OPCML: variants seen among roughly 807,000 people sequenced by gnomAD.
OPCML encodes opioid-binding protein/cell adhesion molecule.
In OPCML, 13 loss-of-function variants were observed where a neutral mutation model predicts 37.8. The observed-to-expected ratio is 0.34, with a 90% CI of 0.22 to 0.55. The LOEUF (loss-of-function observed/expected upper bound fraction) is 0.55. Ranked by LOEUF, OPCML falls within the 20% of genes least tolerant of loss-of-function variation. The pLI is 0.91. For synonymous variants in OPCML, 176 were observed against 168.8 expected, an observed-to-expected ratio of 1.04 and a Z score of -0.33; for missense variants, 341 against 435.6, an observed-to-expected ratio of 0.78 and a Z score of 1.93.
At chr11:133,266,292 T>C (rs1941656843) in intron 1 of OPCML, among the ~76,000 whole-genome samples, 1 of 152,142 alleles carries the variant, frequency 6.6e-6, no homozygotes, top group African/African-American at 2.4e-5. Context: ...GATTACCCCA[T>C]TCTCCTGCTC....
intron 3 of OPCML, among the ~76,000 whole-genome samples, chr11:132,607,193 G>T (rs1455739041): frequency 6.6e-6 from 1 of 152,182 alleles, no homozygotes; most frequent in Non-Finnish European, 1.5e-5. Context: ...TGTTGTTGCT[G>T]TTACTGTGAA....
intron 2 of OPCML, among the ~76,000 whole-genome samples, chr11:132,682,774 C>T (rs60609567): frequency 0.029 from 4,448 of 152,292 alleles, 229 homozygotes; most frequent in African/African-American, 0.1. Context: ...ATCTTTCTCC[C>T]GTTACATAGA....
At chr11:133,002,543 T>A (rs1195255746) in intron 1 of OPCML, among the ~76,000 whole-genome samples, 2 of 152,210 alleles carry the variant, frequency 1.3e-5, no homozygotes, top group Non-Finnish European at 2.9e-5. Flanking sequence ...TGATGTTAGT[T>A]CTGTGTGCCC....
At position 132,763,852 on chromosome 11, in the gene OPCML, G is replaced by A. The variant is rs764336395; in HGVS notation, c.147-106533C>T. On this transcript the variant is annotated intron_variant, in intron 2 of 7. Coordinates refer to ENST00000524381, the MANE Select transcript of OPCML (RefSeq NM_001012393.5). ...GCTCCTGCTGAGCCATGCCTTCCCC[G>A]CTTTCATTCCGCATCTTACCACAAA... is the stretch of plus-strand genomic sequence containing the variant. 4.6e-5 allele frequency among the ~76,000 whole-genome samples: 7 copies of A among 152,118 alleles called. No individual in the cohort carries two copies. In the East Asian group the frequency reaches 5.8e-4, roughly 13 times the overall value.
intron 1 of OPCML, among the ~76,000 whole-genome samples, chr11:133,092,401 C>T (rs1194883417): frequency 6.6e-6 from 1 of 152,124 alleles, no homozygotes; most frequent in East Asian, 1.9e-4. Context: ...CTGAGAACCA[C>T]AAAGAATGAG....
intron 3 of OPCML, among the ~76,000 whole-genome samples, chr11:132,602,941 C>T (rs1488872368): frequency 1.3e-5 from 2 of 152,224 alleles, no homozygotes; most frequent in East Asian, 1.9e-4. Flanking sequence ...CCACCTTGTG[C>T]TTTGACTGCT....
intron 1 of OPCML, among the ~76,000 whole-genome samples, chr11:133,230,005 T>C (rs1940208333): frequency 6.6e-6 from 1 of 151,840 alleles, no homozygotes. Flanking sequence ...TATTAGATAT[T>C]TCATAAAAAT....
chr11:133,367,543 A>C (rs765052607), intron 1 of OPCML, among the ~76,000 whole-genome samples: 4 of 152,188 alleles, frequency 2.6e-5, no homozygotes, highest in Admixed American at 6.5e-5. Flanking sequence ...ATGTTTACTC[A>C]TTCAGTTTAC....
chr11:132,707,882 C>T (rs531382976), intron 2 of OPCML, among the ~76,000 whole-genome samples: 1 of 152,192 alleles, frequency 6.6e-6, no homozygotes, highest in African/African-American at 2.4e-5. Context: ...AAAATTATAA[C>T]CATTGAGCCT....
intron 2 of OPCML, among the ~76,000 whole-genome samples, chr11:132,824,099 AAATCTC>A (rs1940154393): frequency 6.6e-6 from 1 of 152,110 alleles, no homozygotes; most frequent in African/African-American, 2.4e-5. Context: ...TTTCCAGTTT[AAATCTC>A]AGCCCTGAAT....
chr11:133,125,785 A>AC (rs1949499089), intron 1 of OPCML, among the ~76,000 whole-genome samples: 1 of 145,698 alleles, frequency 6.9e-6, no homozygotes, highest in African/African-American at 2.5e-5. Flanking sequence ...TGTATATAGT[A>AC]TATATACATG....
At chr11:132,672,001 A>C (rs1313646607) in intron 2 of OPCML, among the ~76,000 whole-genome samples, 2 of 152,128 alleles carry the variant, frequency 1.3e-5, no homozygotes, top group Admixed American at 1.3e-4. Context: ...CTGACTACAG[A>C]TTCCTGTTAT....
At chr11:132,436,061 C>A (rs2096011980) in intron 7 of OPCML, 25 bp downstream of exon 7, 1 of 1,604,520 alleles carries the variant, frequency 6.2e-7, no homozygotes, top group South Asian at 1.1e-5. Context: ...GCTGAGCCCA[C>A]TGCATCCAGG....
intron 2 of OPCML, among the ~76,000 whole-genome samples, chr11:132,863,589 G>A (rs1332625275): frequency 1.3e-5 from 2 of 152,198 alleles, no homozygotes; most frequent in African/African-American, 2.4e-5. Flanking sequence ...GCAGGTCACT[G>A]AAGTCAGAAC....
In OPCML at chr11:133,173,954, G is replaced by C. The variant is rs1950327230; in HGVS notation, c.62-230944C>G. Reference sequence around the variant, plus strand: ...CCCTCTCCCTCCATCCATTCTACAAGGATCCCCAGTCAGCCAATGCACCGG... The same window carrying C: ...CCCTCTCCCTCCATCCATTCTACAACGATCCCCAGTCAGCCAATGCACCGG... On this transcript the variant is annotated intron_variant, in intron 1 of 7. Transcript: ENST00000524381. The surrounding 1 kb of genome is among the most constrained non-coding windows in gnomAD (Gnocchi z 7.8). 1.3e-5 allele frequency among the ~76,000 whole-genome samples: 2 copies of C among 152,304 alleles called. No individual in the cohort carries two copies. Among genetic ancestry groups the C allele is most frequent in the South Asian group, 2.1e-4 (1 of 4,832 alleles).
chr11:133,314,175 C>A (rs1027528618), intron 1 of OPCML, among the ~76,000 whole-genome samples: 4 of 123,788 alleles, frequency 3.2e-5, no homozygotes. Flanking sequence ...TCGGAGCTTG[C>A]AGTGAGCCGA....
At chr11:133,129,981 TA>T (rs371210242) in intron 1 of OPCML, among the ~76,000 whole-genome samples, 2 of 151,798 alleles carry the variant, frequency 1.3e-5, no homozygotes, top group African/African-American at 2.4e-5. Context: ...ATCAGTCAAT[TA>T]AAAAAAGCAA....
At chr11:133,057,474 C>T (rs1948261042) in intron 1 of OPCML, among the ~76,000 whole-genome samples, 1 of 152,118 alleles carries the variant, frequency 6.6e-6, no homozygotes, top group South Asian at 2.1e-4. Context: ...CAGATACCAC[C>T]ACCCCAGCTT....
chr11:133,467,108 T>C (rs1172716831), intron 1 of OPCML, among the ~76,000 whole-genome samples: 1 of 152,228 alleles, frequency 6.6e-6, no homozygotes, highest in African/African-American at 2.4e-5. Context: ...CTGATGAAGT[T>C]TGAGAACACT....
Sources: gnomAD v4.1 joint callset for allele counts (sites outside exome capture counted in the v4.1 genomes callset) on GRCh38, gnomAD v4.1.1 for gene constraint, Gnocchi (gnomAD v3.1) non-coding constraint, MANE v1.5 for transcripts, NCBI Gene and HGNC (gene_info 2026-07-23, HGNC 2026-07-21) for gene names.